KLHL3: variants seen among roughly 807,000 people sequenced by gnomAD.
The protein encoded by KLHL3 is kelch-like protein 3.
A neutral mutation model predicts 70.5 loss-of-function variants in KLHL3; 19 were observed. The ratio of observed to expected loss-of-function variants is 0.27; its 90% CI spans 0.19 to 0.40. KLHL3 has a LOEUF of 0.40. Ranked by LOEUF, KLHL3 falls within the 10% of genes least tolerant of loss-of-function variation. The pLI, the probability that KLHL3 is intolerant of heterozygous loss-of-function variation, is 1.00. For synonymous variants in KLHL3, 258 were observed against 290.3 expected, an observed-to-expected ratio of 0.89 and a Z score of 1.13; for missense variants, 512 against 771.1, an observed-to-expected ratio of 0.66 and a Z score of 3.98.
chr5:137,633,278 C>CAAAAAAAAAAAAAAA (rs56084512), intron 12 of KLHL3, among the ~76,000 whole-genome samples: 1 of 72,002 alleles, frequency 1.4e-5, no homozygotes. Context: ...GACTTCATCT[C>CAAAAAAAAAAAAAAA]AAAAAAAAAA....
chr5:137,625,255 T>A (rs1249216768), intron 14 of KLHL3, among the ~76,000 whole-genome samples: 1 of 152,278 alleles, frequency 6.6e-6, no homozygotes, highest in East Asian at 1.9e-4. Context: ...CAGGAAGGGT[T>A]CCCTGGCTTT....
chr5:137,629,498 G>T (rs766779580), intron 12 of KLHL3: 4 of 152,284 alleles, frequency 2.6e-5, no homozygotes, highest in Non-Finnish European at 5.9e-5. Flanking sequence ...TGTGCAGAAA[G>T]TTCCTCAGGT....
chr5:137,647,559 G>A (rs1345194878), intron 8 of KLHL3: 1 of 472,238 alleles, frequency 2.1e-6, no homozygotes, highest in Admixed American at 2.3e-5. Context: ...CCGGTGAGCT[G>A]GGCAGAAGGC....
chr5:137,626,889 A>G (rs1010715730), intron 13 of KLHL3, among the ~76,000 whole-genome samples: 1 of 152,080 alleles, frequency 6.6e-6, no homozygotes, highest in African/African-American at 2.4e-5. Context: ...CTGTGGTCCC[A>G]CCTACTCAGG....
chr5:137,698,545 A>G, intron 3 of KLHL3, 137 bp from the exon 4 acceptor site: 2 of 955,944 alleles, frequency 2.1e-6, no homozygotes, highest in Non-Finnish European at 3.2e-6. Context: ...GGATTCAGGC[A>G]CAGAAGAGGA....
chr5:137,673,956 C>T (rs1418053511), intron 6 of KLHL3: 1 of 152,288 alleles, frequency 6.6e-6, no homozygotes, highest in East Asian at 1.9e-4. Context: ...ATGCCAACAA[C>T]CCAGACCAAC....
At chr5:137,628,163 C>G in intron 13 of KLHL3, 134 bp downstream of exon 13, 1 of 1,131,888 alleles carries the variant, frequency 8.8e-7, no homozygotes, top group Non-Finnish European at 1.3e-6. Context: ...GCCCACCTGG[C>G]AAATGCACAC....
rs1049178528 is a variant in KLHL3 at position 137,621,377 on chromosome 5, T to A, written c.*721A>T. 1 of 152,522 alleles carries A rather than the reference T, an allele frequency of 6.6e-6. No homozygotes were observed. Among genetic ancestry groups the A allele is most frequent in the Non-Finnish European group, 1.5e-5 (1 of 68,066 alleles). 9.4% of individuals were successfully genotyped at this position (152,522 alleles called of 1,614,324 possible). ...GGCCTAAACCTGAAGACTGGGCAGTTCTCATCTGCTTCCTGTAGGAGAACT... is the reference window on the plus strand; with the variant it reads ...GGCCTAAACCTGAAGACTGGGCAGTACTCATCTGCTTCCTGTAGGAGAACT... On this transcript the variant is annotated 3_prime_UTR_variant, in exon 15 of 15. Coordinates refer to ENST00000309755, the MANE Select transcript of KLHL3 (RefSeq NM_017415.3).
chr5:137,710,129 T>A (rs1206197916), intron 2 of KLHL3, among the ~76,000 whole-genome samples: 1 of 152,178 alleles, frequency 6.6e-6, no homozygotes, highest in Non-Finnish European at 1.5e-5. Flanking sequence ...TCTTCACCTC[T>A]CTGTTCCCCA....
chr5:137,660,365 T>G (rs541294494), intron 7 of KLHL3, among the ~76,000 whole-genome samples: 9 of 152,282 alleles, frequency 5.9e-5, no homozygotes, highest in African/African-American at 2.2e-4. Context: ...ACCCTCCCTG[T>G]GGAAGCGAGA....
rs757217002 is a variant in KLHL3 at position 137,654,230 on chromosome 5, A to C, written c.903+3901T>G. ...TCACATTGTATCTCTAAAAAGTGTGAATTTTACTGCATATAAATTATTATA... is the reference window on the plus strand; with the variant it reads ...TCACATTGTATCTCTAAAAAGTGTGCATTTTACTGCATATAAATTATTATA... On this transcript the variant is annotated intron_variant, in intron 8 of 14. Coordinates refer to ENST00000309755, the MANE Select transcript of KLHL3 (RefSeq NM_017415.3). Among the ~76,000 whole-genome samples the C allele has an allele frequency of 7.2e-5, 11 of 152,354 alleles. No individual in the cohort carries two copies. The South Asian group carries it at 1.2e-3, about 17-fold the overall frequency.
At chr5:137,677,431 G>C (rs906614821) in intron 6 of KLHL3, 114 bp downstream of exon 6, 9 of 668,012 alleles carry the variant, frequency 1.3e-5, no homozygotes, top group Non-Finnish European at 2.4e-5. Flanking sequence ...CTGGCCGACA[G>C]AGCAAGACTC....
intron 2 of KLHL3, 111 bp downstream of exon 2, chr5:137,720,354 G>T (rs1474641606): frequency 1.6e-6 from 2 of 1,288,892 alleles, no homozygotes; most frequent in Non-Finnish European, 2.2e-6. Flanking sequence ...AGAATGGATG[G>T]AAAGAGTCAG....
intron 3 of KLHL3, among the ~76,000 whole-genome samples, chr5:137,708,966 G>T (rs1270329993): frequency 6.6e-6 from 1 of 152,214 alleles, no homozygotes; most frequent in Non-Finnish European, 1.5e-5. Context: ...GCCTCCTTCT[G>T]TCGGCAGTGA....
At chr5:137,652,464 G>A (rs566777823) in intron 8 of KLHL3, among the ~76,000 whole-genome samples, 1 of 152,324 alleles carries the variant, frequency 6.6e-6, no homozygotes, top group East Asian at 1.9e-4. Flanking sequence ...TACATATTTA[G>A]TAGAATACTA....
chr5:137,639,243 A>G lies in KLHL3; in HGVS notation c.1022-93T>C. ...AATGGAGGAGCAAGACAGACACAGG[A>G]AAAGTCGCCACCGAAGATACTTTAG... On this transcript the variant is annotated intron_variant, in intron 9 of 14. Transcript: ENST00000309755. The surrounding 1 kb of genome is among the most constrained non-coding windows in gnomAD (Gnocchi z 5.0). The G allele has an allele frequency of 8.3e-7, 1 of 1,210,966 alleles. No homozygotes were observed. 75.0% of individuals were successfully genotyped at this position (1,210,966 alleles called of 1,614,324 possible). A position where few individuals can be genotyped will look rare whatever the true frequency, so the allele number is the denominator to read the frequency against.
chr5:137,696,086 T>C (rs2905612), intron 4 of KLHL3, among the ~76,000 whole-genome samples: 124,538 of 152,138 alleles, frequency 0.82, 51,538 homozygotes, highest in East Asian at 0.98. Flanking sequence ...TTTTTTTTCT[T>C]CCTCAGATAA....
intron 5 of KLHL3, 106 bp downstream of exon 5, chr5:137,692,179 G>T: frequency 1.0e-6 from 1 of 976,048 alleles, no homozygotes; most frequent in Non-Finnish European, 1.5e-6. Flanking sequence ...AATCATAGCT[G>T]CTTCACAGCA....
intron 4 of KLHL3, among the ~76,000 whole-genome samples, chr5:137,697,815 G>C (rs1248385616): frequency 6.6e-6 from 1 of 152,194 alleles, no homozygotes; most frequent in Non-Finnish European, 1.5e-5. Context: ...ATGATGAAAA[G>C]AGCAAAGAGA....
Sources: allele counts gnomAD v4.1 joint callset (sites outside exome capture counted in the v4.1 genomes callset), GRCh38; gene constraint gnomAD v4.1.1; non-coding constraint Gnocchi (gnomAD v3.1); transcripts MANE v1.5; gene names NCBI Gene and HGNC (gene_info 2026-07-23, HGNC 2026-07-21).